Variants in CLYBL observed in about 807,000 individuals in gnomAD.
CLYBL encodes citramalyl-CoA lyase.
In CLYBL, 31 loss-of-function variants were observed where a neutral mutation model predicts 38.9. That is an observed-to-expected ratio of 0.80 (90% CI 0.60 to 1.08). CLYBL has a LOEUF of 1.08. Among genes scored for constraint, CLYBL ranks in the 50% least tolerant of loss-of-function variants. CLYBL has a pLI of 0.00. For missense variants in CLYBL, 434 were observed against 411.6 expected, an observed-to-expected ratio of 1.05 and a Z score of -0.47; for synonymous variants, 171 against 158.6, an observed-to-expected ratio of 1.08 and a Z score of -0.59.
intron 1 of CLYBL, among the ~76,000 whole-genome samples, chr13:99,623,809 A>C (rs1020269359): frequency 6.6e-6 from 1 of 152,090 alleles, no homozygotes; most frequent in East Asian, 1.9e-4. Context: ...AATTCAAAAA[A>C]TTAGCCGGGC....
In CLYBL at chr13:99,819,448, ATATATATAT is replaced by A. The variant is rs1566340193; in HGVS notation, c.250-39412_250-39404del. Among the ~76,000 whole-genome samples, 421 of 86,300 alleles carry A rather than the reference ATATATATAT, an allele frequency of 4.9e-3. 13 individuals carry two copies. Among genetic ancestry groups the A allele is most frequent in the African/African-American group, 0.017 (398 of 23,144 alleles). The allele number at this position is 86,300 out of a possible 152,430, so 56.6% of individuals were successfully genotyped here. A position where few individuals can be genotyped will look rare whatever the true frequency, so the allele number is the denominator to read the frequency against. On this transcript the variant is annotated intron_variant, in intron 2 of 8. Coordinates refer to ENST00000339105, the MANE Select transcript of CLYBL (RefSeq NM_206808.5). ...TATATATATATATATATATATATAT[ATATATATAT>A]ATATATATATAATATTTGTCAGGGT...
At chr13:99,632,078 C>T (rs534837367) in intron 1 of CLYBL, among the ~76,000 whole-genome samples, 2 of 152,270 alleles carry the variant, frequency 1.3e-5, no homozygotes, top group South Asian at 2.1e-4. Flanking sequence ...CGCAGCCTTA[C>T]TGTATTGCGA....
At chr13:99,804,673 TA>T (rs1435711994) in intron 2 of CLYBL, among the ~76,000 whole-genome samples, 3 of 152,312 alleles carry the variant, frequency 2.0e-5, no homozygotes, top group Middle Eastern at 3.4e-3. Context: ...AAATACTTGA[TA>T]AATGTCAATA....
At chr13:99,781,129 A>AAT (rs964567848) in intron 2 of CLYBL, among the ~76,000 whole-genome samples, 4 of 149,680 alleles carry the variant, frequency 2.7e-5, no homozygotes, top group African/African-American at 4.9e-5. Flanking sequence ...TTCCTTTTAA[A>AAT]ATATATATAT....
At chr13:99,689,105 C>G (rs1015591702) in intron 1 of CLYBL, among the ~76,000 whole-genome samples, 5 of 152,196 alleles carry the variant, frequency 3.3e-5, no homozygotes, top group African/African-American at 1.2e-4. Context: ...AATCTAGGGT[C>G]CCAGCATCTA....
At chr13:99,897,982 C>T (rs1249255027), downstream of CLYBL, among the ~76,000 whole-genome samples, 1 of 151,880 alleles carries the variant, frequency 6.6e-6, no homozygotes, top group Non-Finnish European at 1.5e-5. Context: ...GGGCAGGTTC[C>T]CTGGGGATTG....
chr13:99,687,168 G>A (rs2047830076), intron 1 of CLYBL, among the ~76,000 whole-genome samples: 1 of 152,204 alleles, frequency 6.6e-6, no homozygotes. Context: ...GGCTGGTGTT[G>A]CGGATTAAGA....
At chr13:99,709,627 T>C (rs1466855116) in intron 1 of CLYBL, among the ~76,000 whole-genome samples, 2 of 152,222 alleles carry the variant, frequency 1.3e-5, no homozygotes, top group African/African-American at 4.8e-5. Flanking sequence ...GTTGAAAAGA[T>C]AGAATTTGTT....
intron 1 of CLYBL, among the ~76,000 whole-genome samples, chr13:99,697,634 G>A (rs540185207): frequency 4.4e-4 from 66 of 149,860 alleles, no homozygotes; most frequent in African/African-American, 1.6e-3. Context: ...ACAGGCATGA[G>A]CCCCTGCACC....
intron 1 of CLYBL, among the ~76,000 whole-genome samples, chr13:99,771,278 CTCAAGTGA>C (rs1328421352): frequency 6.6e-6 from 1 of 152,100 alleles, no homozygotes; most frequent in African/African-American, 2.4e-5. Flanking sequence ...AAACTCTGGG[CTCAAGTGA>C]TCTGCCTGCC....
intron 2 of CLYBL, among the ~76,000 whole-genome samples, chr13:99,834,841 T>C (rs574575909): frequency 2.0e-5 from 3 of 152,362 alleles, no homozygotes; most frequent in East Asian, 3.9e-4. Context: ...CTCCTCCTGC[T>C]GACACTTTTG....
chr13:99,656,232 GA>G (rs1462749627), intron 1 of CLYBL, among the ~76,000 whole-genome samples: 1 of 152,164 alleles, frequency 6.6e-6, no homozygotes, highest in Non-Finnish European at 1.5e-5. Context: ...ATGGGGTGGA[GA>G]ACCCCCAGAC....
intron 2 of CLYBL, among the ~76,000 whole-genome samples, chr13:99,826,780 C>T (rs2050703545): frequency 6.6e-6 from 1 of 152,232 alleles, no homozygotes; most frequent in African/African-American, 2.4e-5. Flanking sequence ...TGGTTCTCAT[C>T]ACTGTTCAGC....
At chr13:99,858,121 T>C (rs992835462) in intron 2 of CLYBL, among the ~76,000 whole-genome samples, 1 of 152,148 alleles carries the variant, frequency 6.6e-6, no homozygotes, top group Non-Finnish European at 1.5e-5. Flanking sequence ...TTTCATATAG[T>C]TTTTCTGGGG....
At chr13:99,688,035 A>C (rs1365625295) in intron 1 of CLYBL, among the ~76,000 whole-genome samples, 1 of 152,248 alleles carries the variant, frequency 6.6e-6, no homozygotes, top group African/African-American at 2.4e-5. Context: ...AGCTAGAAAG[A>C]GAGAAACTTG....
chr13:99,610,930 C>T (rs997374347), intron 1 of CLYBL, among the ~76,000 whole-genome samples: 1 of 152,220 alleles, frequency 6.6e-6, no homozygotes, highest in African/African-American at 2.4e-5. Flanking sequence ...CGGGAAAATA[C>T]TGTTCCCACT....
chr13:99,685,800 A>T (rs1346578399), intron 1 of CLYBL, among the ~76,000 whole-genome samples: 1 of 152,046 alleles, frequency 6.6e-6, no homozygotes, highest in Non-Finnish European at 1.5e-5. Context: ...CGCCTCTACT[A>T]AAAATACAAA....
intron 2 of CLYBL, among the ~76,000 whole-genome samples, chr13:99,815,138 T>C (rs1301707927): frequency 2.0e-5 from 3 of 152,134 alleles, no homozygotes; most frequent in Non-Finnish European, 4.4e-5. Context: ...CAGAACCCAC[T>C]GTTAATCAGG....
At chr13:99,632,693 C>T (rs1303611035) in intron 1 of CLYBL, among the ~76,000 whole-genome samples, 2 of 151,860 alleles carry the variant, frequency 1.3e-5, no homozygotes, top group African/African-American at 4.8e-5. Flanking sequence ...TGCAGTGAGC[C>T]GAGATTGTGC....
Sources: allele counts gnomAD v4.1 joint callset (sites outside exome capture counted in the v4.1 genomes callset), GRCh38; gene constraint gnomAD v4.1.1; transcripts MANE v1.5; gene names NCBI Gene and HGNC (gene_info 2026-07-23, HGNC 2026-07-21).